Variants in PRDM16 observed in about 807,000 individuals in gnomAD.
PRDM16 encodes the protein PR/SET domain 16, also known as histone-lysine N-methyltransferase PRDM16.
Under a neutral mutation model 110.6 loss-of-function variants are expected in PRDM16, and 23 were observed. That is an observed-to-expected ratio of 0.21 (90% CI 0.15 to 0.29). PRDM16 has a LOEUF of 0.29. Among genes scored for constraint, PRDM16 ranks in the 10% least tolerant of loss-of-function variants. PRDM16 has a pLI of 1.00. For synonymous variants in PRDM16, 799 were observed against 781.8 expected (o/e 1.02, Z -0.37); for missense variants, 1,615 against 1,794.3 (o/e 0.90, Z 1.81).
intron 2 of PRDM16, among the ~76,000 whole-genome samples, chr1:3,229,165 C>T (rs1286734900): frequency 6.6e-6 from 1 of 152,146 alleles, no homozygotes; most frequent in Non-Finnish European, 1.5e-5. Context: ...AGGGAGGAGC[C>T]CAGGGTCATG....
intron 1 of PRDM16, among the ~76,000 whole-genome samples, chr1:3,127,697 T>C (rs981860727): frequency 2.0e-5 from 3 of 152,248 alleles, no homozygotes; most frequent in Non-Finnish European, 4.4e-5. Flanking sequence ...CCCTGGGCCA[T>C]GTCCCCCTTG....
chr1:3,072,877 C>T (rs1641801182), intron 1 of PRDM16, among the ~76,000 whole-genome samples: 1 of 152,274 alleles, frequency 6.6e-6, no homozygotes, highest in South Asian at 2.1e-4. Context: ...GTGTCACCCA[C>T]AGGCCCCCTC....
chr1:3,145,937 C>T (rs942837675), intron 1 of PRDM16, among the ~76,000 whole-genome samples: 32 of 152,210 alleles, frequency 2.1e-4, no homozygotes, highest in Admixed American at 1.6e-3. Context: ...CCCCGGCGCC[C>T]CCCGGGTCAC....
At chr1:3,430,138 T>C (rs943662608) in intron 14 of PRDM16, among the ~76,000 whole-genome samples, 9 of 152,130 alleles carry the variant, frequency 5.9e-5, no homozygotes, top group Non-Finnish European at 1.2e-4. Context: ...AAGACACAGC[T>C]CTTGGTCGTG....
intron 2 of PRDM16, among the ~76,000 whole-genome samples, chr1:3,186,989 G>A (rs900412188): frequency 6.6e-6 from 1 of 152,214 alleles, no homozygotes; most frequent in Non-Finnish European, 1.5e-5. Context: ...CACAGGCCCC[G>A]ACCTGCCAGG....
At chr1:3,145,343 G>A (rs1350973098) in intron 1 of PRDM16, among the ~76,000 whole-genome samples, 2 of 152,162 alleles carry the variant, frequency 1.3e-5, no homozygotes, top group Admixed American at 6.5e-5. Context: ...CCTGCAGCTG[G>A]CGACCTGGGC....
At chr1:3,127,560 G>C (rs1295960646) in intron 1 of PRDM16, among the ~76,000 whole-genome samples, 2 of 152,222 alleles carry the variant, frequency 1.3e-5, no homozygotes, top group Admixed American at 6.5e-5. Context: ...ATTAGACCTG[G>C]TTTCTGGTTT....
chr1:3,121,063 C>T (rs1357282181), intron 1 of PRDM16, among the ~76,000 whole-genome samples: 1 of 152,152 alleles, frequency 6.6e-6, no homozygotes, highest in African/African-American at 2.4e-5. Context: ...TTCTTTCTGT[C>T]GTGTAGGAAA....
At chr1:3,377,845 G>A (rs953343803) in intron 3 of PRDM16, among the ~76,000 whole-genome samples, 3 of 152,068 alleles carry the variant, frequency 2.0e-5, no homozygotes, top group African/African-American at 7.3e-5. Context: ...CGAGCAGTGA[G>A]CCCGGGTTGG....
chr1:3,278,316 C>G (rs1437841701), intron 3 of PRDM16, among the ~76,000 whole-genome samples: 1 of 152,220 alleles, frequency 6.6e-6, no homozygotes, highest in East Asian at 1.9e-4. Flanking sequence ...TTCCTAGGGA[C>G]AGCCTGGCTG....
At chr1:3,373,119 C>T (rs2100581633) in intron 3 of PRDM16, among the ~76,000 whole-genome samples, 1 of 152,344 alleles carries the variant, frequency 6.6e-6, no homozygotes, top group East Asian at 1.9e-4. Context: ...GGGCTGAGCT[C>T]AGGCACACAC....
chr1:3,359,996 C>A lies in PRDM16; in HGVS notation c.439-25156C>A, dbSNP rs1283854723. ...CGGCTCAGCAGCCAGTGAGAAGCAA[C>A]AGCAAACGTAATTAACTCCATGCGT... On this transcript the variant is annotated intron_variant, in intron 3 of 16. Coordinates refer to ENST00000270722, the MANE Select transcript of PRDM16 (RefSeq NM_022114.4). This position sits in a 1 kb window ranked among gnomAD's most constrained non-coding sequence, Gnocchi z 4.3. Among the ~76,000 whole-genome samples, 2 of 152,238 alleles carry A rather than the reference C, an allele frequency of 1.3e-5. No individual in the cohort carries two copies. The highest frequency in any genetic ancestry group is 2.9e-5 in the Non-Finnish European group (2 of 68,048).
At chr1:3,415,213 T>C (rs948897603) in intron 10 of PRDM16, among the ~76,000 whole-genome samples, 21 of 152,270 alleles carry the variant, frequency 1.4e-4, no homozygotes, top group Non-Finnish European at 2.2e-4. Flanking sequence ...TGCCTGCCCC[T>C]GAGGCCACAT....
chr1:3,147,788 G>T (rs1261388369), intron 1 of PRDM16, among the ~76,000 whole-genome samples: 1 of 152,274 alleles, frequency 6.6e-6, no homozygotes, highest in South Asian at 2.1e-4. Context: ...TAAGCCTGGG[G>T]CTTGGGCCAG....
chr1:3,287,631 T>C (rs1379447963), intron 3 of PRDM16, among the ~76,000 whole-genome samples: 4 of 27,980 alleles, frequency 1.4e-4, no homozygotes, highest in Admixed American at 3.8e-4. Context: ...GAGGATTGCA[T>C]TTACCGGGGC....
chr1:3,401,414 G>A (rs1643465667), intron 5 of PRDM16, among the ~76,000 whole-genome samples: 2 of 152,144 alleles, frequency 1.3e-5, no homozygotes, highest in African/African-American at 4.8e-5. Context: ...CAGTCCTCGT[G>A]CACGTGCATA....
intron 1 of PRDM16, among the ~76,000 whole-genome samples, chr1:3,182,861 C>T (rs554539903): frequency 1.3e-5 from 2 of 152,266 alleles, no homozygotes; most frequent in East Asian, 3.9e-4. Flanking sequence ...AAAGGGGTGG[C>T]CTTGGCCCCA....
intron 1 of PRDM16, among the ~76,000 whole-genome samples, chr1:3,076,501 C>A (rs1450177838): frequency 6.6e-6 from 1 of 152,224 alleles, no homozygotes; most frequent in African/African-American, 2.4e-5. Context: ...AGCGTCAGGG[C>A]ATGCAGGAGC....
chr1:3,166,848 C>A (rs1643962757), intron 1 of PRDM16, among the ~76,000 whole-genome samples: 1 of 152,240 alleles, frequency 6.6e-6, no homozygotes, highest in Non-Finnish European at 1.5e-5. Flanking sequence ...GTGTCTGGCG[C>A]TGGCCGTGCA....
Sources: allele counts gnomAD v4.1 joint callset (sites outside exome capture counted in the v4.1 genomes callset), GRCh38; gene constraint gnomAD v4.1.1; non-coding constraint Gnocchi (gnomAD v3.1); transcripts MANE v1.5; gene names NCBI Gene and HGNC (gene_info 2026-07-23, HGNC 2026-07-21).